The following ITIH4 variants were observed in gnomAD, a reference collection of about 807,000 sequenced individuals.
The protein encoded by ITIH4 is inter-alpha-trypsin inhibitor heavy chain H4.
Under a neutral mutation model 111.8 loss-of-function variants are expected in ITIH4, and 79 were observed. The observed-to-expected ratio is 0.71, with a 90% confidence interval of 0.59 to 0.85. ITIH4 has a LOEUF of 0.85. Among genes scored for constraint, ITIH4 ranks in the 40% least tolerant of loss-of-function variants. ITIH4 has a pLI of 0.00. For missense variants in ITIH4, 1,065 were observed against 1,195.8 expected, an observed-to-expected ratio of 0.89 and a Z score of 1.61; for synonymous variants, 472 against 468.3, an observed-to-expected ratio of 1.01 and a Z score of -0.10.
At chr3:52,819,280 GC>G in intron 17 of ITIH4, 112 bp downstream of exon 17, 2 of 1,229,356 alleles carry the variant, frequency 1.6e-6, no homozygotes, top group Non-Finnish European at 2.3e-6. Context: ...GCCCTCAGCA[GC>G]CGTCCCTGGC....
chr3:52,830,474 G>T, intron 1 of ITIH4, 79 bp downstream of exon 1: 3 of 1,334,592 alleles, frequency 2.2e-6, no homozygotes, highest in Non-Finnish European at 3.2e-6. Context: ...TGACACGCTG[G>T]CACATGCGGA....
At position 52,826,732 on chromosome 3, in the gene ITIH4, G is replaced by A. The variant is rs1405631514; in HGVS notation, c.519+59C>T. On this transcript the variant is annotated intron_variant, in intron 4 of 23. Transcript: ENST00000266041. ...GGAGGCTCAGGGACAAAGAGGGGCC[G>A]CCCTCAGCAGGGCAAGGGTCATGCA... 50 of 1,611,520 alleles carry A rather than the reference G, an allele frequency of 3.1e-5. No individual in the cohort carries two copies. The East Asian group carries it at 4.7e-4, about 15-fold the overall frequency.
intron 13 of ITIH4, 138 bp downstream of exon 13, chr3:52,820,493 A>G: frequency 8.3e-7 from 1 of 1,203,288 alleles, no homozygotes. Flanking sequence ...TTTCCTCATC[A>G]GTGAATAGGC....
In ITIH4 at chr3:52,816,941, C is replaced by A. The variant is rs555213150; in HGVS notation, c.2414G>T (p.Arg805Leu). The change falls in exon 21 of 24, where the codon CGG (arginine) becomes CTG (leucine). Residue 805 changes from arginine (R) to leucine (L), a missense_variant. Coordinates refer to ENST00000266041, the MANE Select transcript of ITIH4 (RefSeq NM_002218.5). ...CTTGTACGCAGAGCTTCTTCGGTTC[C>A]GAGTCACCACCACGTGTTCAGGGGA... is the stretch of plus-strand genomic sequence containing the variant. ...HASPEHVVVT[R>L]NRRSSAYKWK... 6.2e-7 allele frequency: 1 copy of A among 1,613,928 alleles called. No homozygotes were observed. The highest frequency in any genetic ancestry group is 8.5e-7 in the Non-Finnish European group (1 of 1,179,964).
In ITIH4 at chr3:52,814,052, C is replaced by T. The variant is rs1700233875; in HGVS notation, c.2646G>A (p.Val882=). 1.2e-6 allele frequency: 2 copies of T among 1,613,758 alleles called. No individual in the cohort carries two copies. The highest frequency in any genetic ancestry group is 1.3e-5 in the African/African-American group (1 of 74,928). ...CTGATGCTGCTGGAGATCCCCAGAG[C>T]ACCTCCTGGTAAAACTGGCCTGAGA... The part of the protein sequence containing the change: ...GGTLGQFYQE[V]LWGSPAASDD... The change falls in exon 23 of 24, where the codon GTG becomes GTA. Residue 882 remains valine (V), a synonymous_variant. Transcript: ENST00000266041.
Position 52,823,540 on chromosome 3 carries a change from C to G in ITIH4, c.1539+16G>C, listed in dbSNP as rs1442271885. On this transcript the variant is annotated intron_variant, in intron 11 of 23. Coordinates refer to ENST00000266041, the MANE Select transcript of ITIH4 (RefSeq NM_002218.5). ...AGGCTGCCATTCCCCTCCAGGGTGG[C>G]TTTGGCCACACTCACCAGCTTCCCA... The G allele has an allele frequency of 1.9e-6, 3 of 1,584,098 alleles. No individual in the cohort carries two copies. Among genetic ancestry groups the G allele is most frequent in the Non-Finnish European group, 2.6e-6 (3 of 1,163,560 alleles).
In ITIH4 at chr3:52,826,629, G is replaced by C; in HGVS notation, c.542C>G (p.Pro181Arg). ...TGTCTCCAGAAAGCTGATGCCCTGG[G>C]GCTCGAAGATGTGAATGTCCATCTG... The part of the protein sequence containing the change: ...HLQMDIHIFE[P>R]QGISFLETES... Residue 181 changes from proline (P) to arginine (R), a missense_variant, in exon 5 of 24, where the codon CCC becomes CGC. Physicochemically the swap from Pro to Arg is moderately radical, Grantham distance 103. Transcript: ENST00000266041. 1 of 1,614,076 alleles carries C rather than the reference G, an allele frequency of 6.2e-7. No homozygotes were observed. Among genetic ancestry groups the C allele is most frequent in the Non-Finnish European group, 8.5e-7 (1 of 1,179,998 alleles).
intron 19 of ITIH4, 23 bp downstream of exon 19, chr3:52,818,234 G>C: frequency 6.3e-7 from 1 of 1,585,214 alleles, no homozygotes; most frequent in South Asian, 1.2e-5. Context: ...TGTGGAAAGG[G>C]GCCAAGGGGG....
At chr3:52,814,477 G>A in intron 21 of ITIH4, 114 bp from the exon 22 acceptor site, 1 of 860,774 alleles carries the variant, frequency 1.2e-6, no homozygotes, top group South Asian at 1.7e-5. Flanking sequence ...GTCACGGAGT[G>A]GCCTTGGGTG....
chr3:52,820,738 A>G lies in ITIH4; in HGVS notation c.1727T>C (p.Leu576Pro), dbSNP rs1386480697. The G allele has an allele frequency of 6.2e-7, 1 of 1,614,068 alleles. No individual in the cohort carries two copies. Among genetic ancestry groups the G allele is most frequent in the Non-Finnish European group, 8.5e-7 (1 of 1,179,976 alleles). The change falls in exon 13 of 24, where the codon CTG becomes CCG. Residue 576 changes from leucine to proline, a missense_variant. Leu to Pro is a moderately conservative substitution (Grantham distance 98). Coordinates refer to ENST00000266041, the MANE Select transcript of ITIH4 (RefSeq NM_002218.5). ...ADQQALRNQA[L>P]NLSLAYSFVT... Reference sequence around the variant, plus strand: ...AAAGCTGTAGGCAAGTGATAAATTCAGCGCTTGGTTCCGGAGGGCCTGCTG... The same window carrying G: ...AAAGCTGTAGGCAAGTGATAAATTCGGCGCTTGGTTCCGGAGGGCCTGCTG...
At chr3:52,820,340 G>C in intron 13 of ITIH4, 23 bp from the exon 14 acceptor site, 1 of 1,612,540 alleles carries the variant, frequency 6.2e-7, no homozygotes, top group Non-Finnish European at 8.5e-7. Context: ...AAGAGAGAGA[G>C]AGAGACAGAC....
chr3:52,818,154 G>A lies in ITIH4; in HGVS notation c.2194C>T (p.Pro732Ser). 6.2e-7 allele frequency: 1 copy of A among 1,612,598 alleles called. No individual in the cohort carries two copies. The highest frequency in any genetic ancestry group is 1.3e-5 in the African/African-American group (1 of 75,048). Residue 732 changes from proline (P) to serine (S), a missense_variant, in exon 20 of 24, where the codon CCC (proline) becomes TCC (serine). Coordinates refer to ENST00000266041, the MANE Select transcript of ITIH4 (RefSeq NM_002218.5). Reference sequence around the variant, plus strand: ...CCAGGCAGTGGCAGGATGGCAGAGGGAGCCTGTATGGGGGCTGGGACAGCC... The same window carrying A: ...CCAGGCAGTGGCAGGATGGCAGAGGAAGCCTGTATGGGGGCTGGGACAGCC... ...TTQTPAPIQA[P>S]SAILPLPGQS...
intron 23 of ITIH4, 118 bp from the exon 24 acceptor site, chr3:52,813,608 G>C (rs949208025): frequency 1.1e-6 from 1 of 900,868 alleles, no homozygotes. Context: ...CGTCCCTTTA[G>C]AATTCCCTCC....
intron 2 of ITIH4, among the ~76,000 whole-genome samples, chr3:52,827,469 G>A (rs1276716269): frequency 6.6e-6 from 1 of 152,258 alleles, no homozygotes; most frequent in Admixed American, 6.5e-5. Flanking sequence ...AGGCTGCAGA[G>A]GGGCAGGGCC....
At chr3:52,830,392 C>T (rs747892403) in intron 1 of ITIH4, 161 bp downstream of exon 1, 5 of 737,118 alleles carry the variant, frequency 6.8e-6, no homozygotes, top group South Asian at 4.3e-5. Flanking sequence ...ACCAGTAAGG[C>T]CCTTGGGGTA....
At position 52,812,970 on chromosome 3, in the gene ITIH4, A is replaced by ATT. The variant is rs67293153; in HGVS notation, c.*449_*450dup. 0.078 allele frequency: 10,378 copies of ATT among 132,742 alleles called. 1,419 individuals carry two copies. Among genetic ancestry groups the ATT allele is most frequent in the African/African-American group, 0.27 (9,306 of 34,272 alleles). The allele number at this position is 132,742 out of a possible 1,614,324, so 8.2% of individuals were successfully genotyped here. A position where few individuals can be genotyped will look rare whatever the true frequency, so the allele number is the denominator to read the frequency against. On this transcript the variant is annotated 3_prime_UTR_variant, in exon 24 of 24. Coordinates refer to ENST00000266041, the MANE Select transcript of ITIH4 (RefSeq NM_002218.5). ...AAAGAATTCCAACCCAGTTCACTCT[A>ATT]TTTTTTTTTTTTTTTTTTTTGTAGT...
chr3:52,823,778 T>C, intron 10 of ITIH4, 37 bp from the exon 11 acceptor site: 2 of 1,613,910 alleles, frequency 1.2e-6, no homozygotes, highest in Non-Finnish European at 1.7e-6. Context: ...CTGGGCTTTA[T>C]GACTGCCCAC....
chr3:52,826,500 G>T, intron 5 of ITIH4, 41 bp downstream of exon 5: 2 of 1,474,688 alleles, frequency 1.4e-6, no homozygotes, highest in South Asian at 1.1e-5. Flanking sequence ...CCTGAAGGCA[G>T]GGCCCTTGGT....
At chr3:52,829,369 T>A in intron 1 of ITIH4, 90 bp from the exon 2 acceptor site, 1 of 1,400,636 alleles carries the variant, frequency 7.1e-7, no homozygotes, top group Non-Finnish European at 9.8e-7. Context: ...TGACTCTGGC[T>A]CTAGACCAAA....
Sources: allele counts gnomAD v4.1 joint callset (sites outside exome capture counted in the v4.1 genomes callset), GRCh38; gene constraint gnomAD v4.1.1; transcripts MANE v1.5; gene names NCBI Gene and HGNC (gene_info 2026-07-23, HGNC 2026-07-21).